The following STRN4 variants were observed in gnomAD, a reference collection of about 807,000 sequenced individuals.
STRN4 encodes striatin-4.
STRN4 carries 27 observed loss-of-function variants against 77.9 expected under a neutral mutation model. The ratio of observed to expected loss-of-function variants is 0.35; its 90% CI spans 0.26 to 0.48. The LOEUF (loss-of-function observed/expected upper bound fraction) is 0.48. STRN4 is among the 20% of genes least tolerant of loss of function. STRN4 has a pLI of 0.99. For synonymous variants in STRN4, 466 were observed against 443.1 expected, an observed-to-expected ratio of 1.05 and a Z score of -0.65; for missense variants, 798 against 1,049.7, an observed-to-expected ratio of 0.76 and a Z score of 3.31.
Position 46,727,304 on chromosome 19 carries a change from C to A in STRN4, c.1248+148G>T, listed in dbSNP as rs2270684. ...CTTCCAGGCCCTGCGCCTTGGCGACCGCAGTCAAGTCCCTCCACTGTCTAC... is the reference window on the plus strand; with the variant it reads ...CTTCCAGGCCCTGCGCCTTGGCGACAGCAGTCAAGTCCCTCCACTGTCTAC... On this transcript the variant is annotated intron_variant, in intron 9 of 17. Coordinates refer to ENST00000263280, the MANE Select transcript of STRN4 (RefSeq NM_013403.3). 2,208 of 672,424 alleles carry A rather than the reference C, an allele frequency of 3.3e-3. 58 individuals are homozygous for A. The East Asian group carries it at 0.052, about 16-fold the overall frequency. The allele number at this position is 672,424 out of a possible 1,614,324, so 41.7% of individuals were successfully genotyped here.
At chr19:46,728,552 C>G in intron 7 of STRN4, 66 bp downstream of exon 7, 1 of 1,560,164 alleles carries the variant, frequency 6.4e-7, no homozygotes, top group Non-Finnish European at 8.7e-7. Flanking sequence ...CTGCGGGCAG[C>G]TGAGCCTGCT....
At chr19:46,743,162 A>C (rs1327243748) in intron 1 of STRN4, among the ~76,000 whole-genome samples, 1 of 152,172 alleles carries the variant, frequency 6.6e-6, no homozygotes, top group Non-Finnish European at 1.5e-5. Flanking sequence ...TAAGCACAAT[A>C]ACTCTTCTCT....
At chr19:46,731,716 C>A (rs755458723) in intron 5 of STRN4, 29 of 152,672 alleles carry the variant, frequency 1.9e-4, no homozygotes, top group South Asian at 4.1e-4. Flanking sequence ...CTTCCTCCCA[C>A]AACGACACTG....
rs1053188415 is a variant in STRN4, at chr19:46,720,238, T to C, written c.*167A>G. The C allele has an allele frequency of 3.8e-5, 7 of 182,834 alleles. No homozygotes were observed. Among genetic ancestry groups the C allele is most frequent in the South Asian group, 3.9e-4 (2 of 5,126 alleles). The allele number at this position is 182,834 out of a possible 1,614,324, so 11.3% of individuals were successfully genotyped here. A position where few individuals can be genotyped will look rare whatever the true frequency, so the allele number is the denominator to read the frequency against. On this transcript the variant is annotated 3_prime_UTR_variant, in exon 18 of 18. Coordinates refer to ENST00000263280, the MANE Select transcript of STRN4 (RefSeq NM_013403.3). ...GCTGGATGCTTGGGGAAGGCAGCCG[T>C]TGGGGAGGGATTCCTGGGGAAAGGG...
intron 4 of STRN4, among the ~76,000 whole-genome samples, chr19:46,734,155 A>G (rs1334672468): frequency 6.6e-6 from 1 of 152,232 alleles, no homozygotes; most frequent in Non-Finnish European, 1.5e-5. Flanking sequence ...AAAGCTGGGC[A>G]CTGGGGGCAG....
intron 10 of STRN4, 34 bp downstream of exon 10, chr19:46,725,439 C>T (rs769543076): frequency 6.2e-7 from 1 of 1,613,630 alleles, no homozygotes; most frequent in Admixed American, 1.7e-5. Flanking sequence ...TCCCCAGATG[C>T]CCCTGCCCCC....
At chr19:46,722,660 C>T in intron 14 of STRN4, 150 bp downstream of exon 14, 1 of 1,275,040 alleles carries the variant, frequency 7.8e-7, no homozygotes, top group South Asian at 1.4e-5. Flanking sequence ...CGGGGGCCCT[C>T]CACTGGGACC....
At chr19:46,725,286 C>G in intron 11 of STRN4, 46 bp downstream of exon 11, 1 of 1,613,330 alleles carries the variant, frequency 6.2e-7, no homozygotes, top group Non-Finnish European at 8.5e-7. Context: ...AGGAGTCAGG[C>G]TGCATTTAGG....
chr19:46,746,041 C>CCGGGGG, intron 1 of STRN4, 108 bp downstream of exon 1: 2 of 1,184,244 alleles, frequency 1.7e-6, no homozygotes, highest in Non-Finnish European at 2.1e-6. Flanking sequence ...GCCCCCCCGC[C>CCGGGGG]GGCCGTCCCG....
intron 11 of STRN4, 74 bp downstream of exon 11, chr19:46,725,258 G>C: frequency 6.2e-7 from 1 of 1,604,532 alleles, no homozygotes; most frequent in African/African-American, 1.3e-5. Flanking sequence ...GGCCTCCCGC[G>C]ATGGCAGTGA....
chr19:46,720,451 CCT>C (rs1363046946), intron 17 of STRN4, 83 bp downstream of exon 17: 2 of 990,070 alleles, frequency 2.0e-6, no homozygotes, highest in Non-Finnish European at 2.7e-6. Context: ...ACAGGACGCC[CCT>C]GACTGGACTG....
chr19:46,737,855 C>T (rs1450170381), intron 3 of STRN4, among the ~76,000 whole-genome samples: 2 of 152,128 alleles, frequency 1.3e-5, no homozygotes, highest in Non-Finnish European at 2.9e-5. Flanking sequence ...CCGGCTTTCC[C>T]GCACCGTCCC....
rs779281536 is a variant in STRN4 at position 46,727,630 on chromosome 19, G to T, written c.1154-84C>A. The T allele has an allele frequency of 1.1e-5, 13 of 1,153,158 alleles. 1 individual carries two copies. In the South Asian group the frequency reaches 1.7e-4, roughly 15 times the overall value. 71.4% of individuals were successfully genotyped at this position (1,153,158 alleles called of 1,614,324 possible). A position where few individuals can be genotyped will look rare whatever the true frequency, so the allele number is the denominator to read the frequency against. On this transcript the variant is annotated intron_variant, in intron 8 of 17. Transcript: ENST00000263280. ...GGGAGAGAGAGAATGACAGAGAGAG[G>T]CAGAGAAAGAGATAAAGAGCAAGAG...
chr19:46,723,374 G>A lies in STRN4; in HGVS notation c.1595-90C>T, dbSNP rs940517388. The A allele has an allele frequency of 7.0e-7, 1 of 1,438,766 alleles. No homozygotes were observed. The highest frequency in any genetic ancestry group is 1.4e-5 in the African/African-American group (1 of 70,322). 89.1% of individuals were successfully genotyped at this position (1,438,766 alleles called of 1,614,324 possible). Reference sequence around the variant, plus strand: ...GAGCCCCAGCTCTGCCAAGCCCCAGGCAGCTGGGCTCCAATCACCCACGCA... The same window carrying A: ...GAGCCCCAGCTCTGCCAAGCCCCAGACAGCTGGGCTCCAATCACCCACGCA... On this transcript the variant is annotated intron_variant, in intron 12 of 17. Coordinates refer to ENST00000263280, the MANE Select transcript of STRN4 (RefSeq NM_013403.3). This position sits in a 1 kb window ranked among gnomAD's most constrained non-coding sequence, Gnocchi z 5.5.
At chr19:46,720,423 G>A (rs1341504483) in intron 17 of STRN4, 85 bp from the exon 18 acceptor site, 3 of 747,814 alleles carry the variant, frequency 4.0e-6, no homozygotes, top group Non-Finnish European at 5.7e-6. Context: ...CATGCCCAGG[G>A]CTCCCCCAGT....
At position 46,723,675 on chromosome 19, in the gene STRN4, G is replaced by A. The variant is rs538355218; in HGVS notation, c.1595-391C>T. 6.6e-5 allele frequency among the ~76,000 whole-genome samples: 10 copies of A among 152,302 alleles called. No homozygotes were observed. The highest frequency in any genetic ancestry group is 4.1e-4 in the South Asian group (2 of 4,822). On this transcript the variant is annotated intron_variant, in intron 12 of 17. Coordinates refer to ENST00000263280, the MANE Select transcript of STRN4 (RefSeq NM_013403.3). This position sits in a 1 kb window ranked among gnomAD's most constrained non-coding sequence, Gnocchi z 5.5. ...CAAGGGTTGGTCCCAACCCTGGCCC[G>A]AGCAGTCTTTTCAGCCCATGGCCAA...
In STRN4 at chr19:46,733,638, G is replaced by A. The variant is rs1041725059; in HGVS notation, c.540-402C>T. On this transcript the variant is annotated intron_variant, in intron 4 of 17. Transcript: ENST00000263280. The surrounding 1 kb of genome is among the most constrained non-coding windows in gnomAD (Gnocchi z 4.3). ...GTTCTATGATCCACATGATGCCAAT[G>A]TTTGTAGAAAAAAACAAAAAGGCGT... Among the ~76,000 whole-genome samples, 1 of 152,122 alleles carries A rather than the reference G, an allele frequency of 6.6e-6. No homozygotes were observed. Among genetic ancestry groups the A allele is most frequent in the Non-Finnish European group, 1.5e-5 (1 of 68,024 alleles).
chr19:46,719,996 T>C lies in STRN4; in HGVS notation c.*409A>G, dbSNP rs907364283. On this transcript the variant is annotated 3_prime_UTR_variant, in exon 18 of 18. Coordinates refer to ENST00000263280, the MANE Select transcript of STRN4 (RefSeq NM_013403.3). ...CCACCCTTTCTCCCAGCACAGCTCC[T>C]GCCCAGGTCTGGGAGGATGGGGGAT... The C allele has an allele frequency of 2.0e-5, 3 of 152,260 alleles. No individual in the cohort carries two copies. Among genetic ancestry groups the C allele is most frequent in the African/African-American group, 7.2e-5 (3 of 41,446 alleles). The allele number at this position is 152,260 out of a possible 1,614,324, so 9.4% of individuals were successfully genotyped here.
At chr19:46,745,901 G>A (rs1207182130) in intron 1 of STRN4, 2 of 382,554 alleles carry the variant, frequency 5.2e-6, no homozygotes, top group Admixed American at 4.8e-5. Flanking sequence ...CGGTCCCGGT[G>A]ATCCCTCCCA....
Sources: allele counts gnomAD v4.1 joint callset (sites outside exome capture counted in the v4.1 genomes callset), GRCh38; gene constraint gnomAD v4.1.1; non-coding constraint Gnocchi (gnomAD v3.1); transcripts MANE v1.5; gene names NCBI Gene and HGNC (gene_info 2026-07-23, HGNC 2026-07-21).